CIB1: variants seen among roughly 807,000 people sequenced by gnomAD.
CIB1 encodes calcium and integrin-binding protein 1.
A neutral mutation model predicts 25.0 loss-of-function variants in CIB1; 19 were observed. The ratio of observed to expected loss-of-function variants is 0.76; its 90% confidence interval spans 0.53 to 1.12. CIB1 has a LOEUF of 1.12. Ranked by LOEUF, CIB1 falls within the 50% of genes most tolerant of loss-of-function variation. CIB1 has a pLI of 0.00. For synonymous variants in CIB1, 104 were observed against 98.5 expected (o/e 1.06, Z -0.33); for missense variants, 236 against 242.6 (o/e 0.97, Z 0.18).
chr15:90,230,826 T>G lies in CIB1; in HGVS notation c.554+108A>C, dbSNP rs182926089. 3.3e-4 allele frequency: 339 copies of G among 1,018,318 alleles called. 2 individuals carry two copies. In the East Asian group the frequency reaches 7.3e-3, roughly 22 times the overall value. 63.1% of individuals were successfully genotyped at this position (1,018,318 alleles called of 1,614,324 possible). On this transcript the variant is annotated intron_variant, in intron 6 of 6. Coordinates refer to ENST00000328649, the MANE Select transcript of CIB1 (RefSeq NM_006384.4). ...CTTAGCCGGCCCTGTGTGTGGGGAC[T>G]GGGGCTTTCTCTCACCCTGGCACCA...
the CIB1 span, chr15:90,262,691 T>G: frequency 6.9e-7 from 1 of 1,457,076 alleles, no homozygotes; most frequent in Non-Finnish European, 9.0e-7. Flanking sequence ...TTTGTAGCTC[T>G]TATCTTTCCA....
chr15:90,240,705 C>G, the CIB1 span, among the ~76,000 whole-genome samples: 1 of 148,226 alleles, frequency 6.7e-6, no homozygotes, highest in South Asian at 2.2e-4. Context: ...CCCAGCTGCC[C>G]AGGAGGCTGA....
chr15:90,241,732 G>C, the CIB1 span: 1 of 1,614,194 alleles, frequency 6.2e-7, no homozygotes, highest in Non-Finnish European at 8.5e-7. Flanking sequence ...AGGGTATGTC[G>C]GGCCACTGAT....
the CIB1 span, chr15:90,241,668 G>A: frequency 1.2e-6 from 2 of 1,614,212 alleles, no homozygotes; most frequent in African/African-American, 1.3e-5. Flanking sequence ...CCCAGCTCCT[G>A]GCTTCCTCTT....
chr15:90,262,238 C>A, the CIB1 span: 2 of 1,457,532 alleles, frequency 1.4e-6, no homozygotes, highest in Non-Finnish European at 1.8e-6. Flanking sequence ...GGGGACAAGT[C>A]CTGAAGCTGC....
chr15:90,254,373 A>G, the CIB1 span, among the ~76,000 whole-genome samples: 2 of 150,204 alleles, frequency 1.3e-5, no homozygotes, highest in Non-Finnish European at 3.0e-5. Context: ...CACACTTGTA[A>G]TCCCAGCTAT....
At position 90,231,231 on chromosome 15, in the gene CIB1, G is replaced by C. The variant is rs1962479718; in HGVS notation, c.347-18C>G. 4.3e-6 allele frequency: 7 copies of C among 1,613,302 alleles called. No homozygotes were observed. The highest frequency in any genetic ancestry group is 5.9e-6 in the Non-Finnish European group (7 of 1,179,426). ...ATCAAAGTCTAGAGAGCAGACACAG[G>C]AAGCCAAAAGACACGGTTGGGAGGG... is the stretch of plus-strand genomic sequence containing the variant. On this transcript the variant is annotated intron_variant, in intron 4 of 6. Transcript: ENST00000328649.
At position 90,232,351 on chromosome 15, in the gene CIB1, G is replaced by A. The variant is rs529369950; in HGVS notation, c.87-24C>T. ...CTCTGGTAGAGAGAGGGGAACTGTC[G>A]GTGTTCTCAGCGATCGGTCTCCCTG... On this transcript the variant is annotated intron_variant, in intron 2 of 6. Coordinates refer to ENST00000328649, the MANE Select transcript of CIB1 (RefSeq NM_006384.4). 1.3e-5 allele frequency: 20 copies of A among 1,581,492 alleles called. No homozygotes were observed. The highest frequency in any genetic ancestry group is 4.0e-5 in the African/African-American group (3 of 74,152).
At chr15:90,265,664 C>T in the CIB1 span, 3 of 1,607,268 alleles carry the variant, frequency 1.9e-6, no homozygotes, top group African/African-American at 1.3e-5. Flanking sequence ...TACCCGGCTA[C>T]TTCCGCTGCT....
the CIB1 span, among the ~76,000 whole-genome samples, chr15:90,260,867 AAG>A: frequency 2.6e-5 from 4 of 151,162 alleles, no homozygotes; most frequent in Non-Finnish European, 5.9e-5. Flanking sequence ...AAAAAAAAAA[AAG>A]AGAGAAAGAA....
At chr15:90,232,396 T>G (rs764554328) in intron 2 of CIB1, 69 bp from the exon 3 acceptor site, 1 of 1,509,842 alleles carries the variant, frequency 6.6e-7, no homozygotes, top group East Asian at 2.4e-5. Context: ...TCCCACTCCT[T>G]GCCTGCTGCT....
chr15:90,252,043 C>CTT, the CIB1 span, among the ~76,000 whole-genome samples: 16 of 133,480 alleles, frequency 1.2e-4, no homozygotes, highest in African/African-American at 4.3e-4. Context: ...TCACCTAATT[C>CTT]TTTTTTTTTT....
the CIB1 span, chr15:90,242,986 A>G: frequency 7.2e-6 from 1 of 138,526 alleles, no homozygotes; most frequent in Non-Finnish European, 1.5e-5. Flanking sequence ...GACATCATGA[A>G]TGTATCTGCT....
chr15:90,233,779 C>T (rs1962566514), intron 1 of CIB1, 56 bp downstream of exon 1: 1 of 1,551,512 alleles, frequency 6.4e-7, no homozygotes, highest in Non-Finnish European at 8.7e-7. Flanking sequence ...CTCCCGGACC[C>T]TGCTCCCGAG....
At chr15:90,241,562 C>A in the CIB1 span, 2 of 1,613,330 alleles carry the variant, frequency 1.2e-6, no homozygotes, top group South Asian at 2.2e-5. Flanking sequence ...ACCACCTCCA[C>A]CTGCATGGCT....
At chr15:90,251,059 C>T in the CIB1 span, among the ~76,000 whole-genome samples, 6 of 151,748 alleles carry the variant, frequency 4.0e-5, no homozygotes, top group African/African-American at 1.5e-4. Context: ...AAATTCAGAA[C>T]CATTTAGGCT....
chr15:90,250,846 C>T, the CIB1 span: 14 of 1,614,108 alleles, frequency 8.7e-6, no homozygotes, highest in South Asian at 8.8e-5. Flanking sequence ...TTGACACAGG[C>T]GACTTAGAAG....
chr15:90,262,730 G>T, the CIB1 span: 1 of 1,404,494 alleles, frequency 7.1e-7, no homozygotes, highest in South Asian at 1.5e-5. Flanking sequence ...CAACTAGATA[G>T]GGGAATGAAT....
the CIB1 span, chr15:90,263,492 A>C: frequency 1.6e-5 from 8 of 510,402 alleles, no homozygotes; most frequent in Non-Finnish European, 3.5e-6. Flanking sequence ...TCTCCCTAGC[A>C]CTGCCAGTGC....
Sources: allele counts gnomAD v4.1 joint callset (sites outside exome capture counted in the v4.1 genomes callset), GRCh38; gene constraint gnomAD v4.1.1; transcripts MANE v1.5; gene names NCBI Gene and HGNC (gene_info 2026-07-23, HGNC 2026-07-21).